Variants in ST18 observed in about 807,000 individuals in gnomAD.
The protein encoded by ST18 is ST18 C2H2C-type zinc finger transcription factor.
In ST18, 50 loss-of-function variants were observed where a neutral mutation model predicts 110.0. The ratio of observed to expected loss-of-function variants is 0.45; its 90% CI spans 0.36 to 0.58. The LOEUF (loss-of-function observed/expected upper bound fraction) is 0.58. Among genes scored for constraint, ST18 ranks in the 20% least tolerant of loss-of-function variants. ST18 has a pLI of 0.00. For missense variants in ST18, 1,306 were observed against 1,280.1 expected (o/e 1.02, Z -0.31); for synonymous variants, 461 against 452.4 (o/e 1.02, Z -0.24).
chr8:52,173,888 C>G (rs1379981800), intron 9 of ST18, among the ~76,000 whole-genome samples: 1 of 152,152 alleles, frequency 6.6e-6, no homozygotes, highest in Non-Finnish European at 1.5e-5. Context: ...GACAATGTGT[C>G]TTTTTGGTCT....
intron 2 of ST18, among the ~76,000 whole-genome samples, chr8:52,342,287 A>G (rs548096035): frequency 6.6e-6 from 1 of 152,054 alleles, no homozygotes; most frequent in African/African-American, 2.4e-5. Context: ...AATCATATTC[A>G]TGGGAGGAAT....
chr8:52,361,932 A>G (rs1352593845), intron 2 of ST18, among the ~76,000 whole-genome samples: 1 of 152,096 alleles, frequency 6.6e-6, no homozygotes, highest in Non-Finnish European at 1.5e-5. Context: ...ATGAAACCCA[A>G]TATGTCTGAA....
At chr8:52,253,953 CAA>C (rs1221580247) in intron 2 of ST18, among the ~76,000 whole-genome samples, 5 of 146,592 alleles carry the variant, frequency 3.4e-5, no homozygotes, top group Non-Finnish European at 7.5e-5. Context: ...TTGTTTTTGC[CAA>C]AGAGAGTGAA....
At chr8:52,133,887 T>C (rs2050867755) in intron 19 of ST18, among the ~76,000 whole-genome samples, 1 of 152,028 alleles carries the variant, frequency 6.6e-6, no homozygotes, top group South Asian at 2.1e-4. Flanking sequence ...CATGCCTCCA[T>C]GCCCACCTAA....
intron 2 of ST18, among the ~76,000 whole-genome samples, chr8:52,252,573 G>A (rs78664752): frequency 0.034 from 5,173 of 151,564 alleles, 150 homozygotes; most frequent in Admixed American, 0.078. Flanking sequence ...ACTTTGAAAC[G>A]TTTTAAATAC....
At chr8:52,346,306 G>A (rs1817752336) in intron 2 of ST18, among the ~76,000 whole-genome samples, 2 of 150,954 alleles carry the variant, frequency 1.3e-5, no homozygotes, top group Admixed American at 1.3e-4. Context: ...CAAGAAAAAA[G>A]AAAATTTTAT....
intron 2 of ST18, among the ~76,000 whole-genome samples, chr8:52,376,233 A>G (rs2140733684): frequency 6.6e-6 from 1 of 152,274 alleles, no homozygotes; most frequent in East Asian, 1.9e-4. Flanking sequence ...GTGACCTCTA[A>G]GGGACCGTGT....
chr8:52,352,439 T>C (rs920732468), intron 2 of ST18, among the ~76,000 whole-genome samples: 10 of 152,138 alleles, frequency 6.6e-5, no homozygotes, highest in African/African-American at 2.4e-4. Flanking sequence ...ACCCAGAGAG[T>C]GCTCCGAGAT....
chr8:52,213,418 G>A (rs2082933168), intron 7 of ST18, among the ~76,000 whole-genome samples: 1 of 127,292 alleles, frequency 7.9e-6, no homozygotes, highest in Admixed American at 9.1e-5. Context: ...TCACGGCTTT[G>A]CCACAGCTTT....
At chr8:52,155,725 C>A (rs948748358) in intron 15 of ST18, among the ~76,000 whole-genome samples, 21 of 152,136 alleles carry the variant, frequency 1.4e-4, no homozygotes, top group Admixed American at 1.4e-3. Context: ...CCTCTGAAAA[C>A]AACCTCTGCT....
At chr8:52,343,003 A>G (rs1207666212) in intron 2 of ST18, among the ~76,000 whole-genome samples, 2 of 152,230 alleles carry the variant, frequency 1.3e-5, no homozygotes, top group African/African-American at 2.4e-5. Context: ...ATCTGGAAAT[A>G]CGTTGCCTAC....
intron 2 of ST18, among the ~76,000 whole-genome samples, chr8:52,273,090 T>A (rs1299767019): frequency 6.6e-6 from 1 of 152,182 alleles, no homozygotes; most frequent in Non-Finnish European, 1.5e-5. Flanking sequence ...AAAGACTATA[T>A]GTTTAAAAGA....
intron 2 of ST18, among the ~76,000 whole-genome samples, chr8:52,362,596 C>T (rs1017181835): frequency 1.3e-5 from 2 of 152,142 alleles, no homozygotes; most frequent in Non-Finnish European, 1.5e-5. Context: ...GACTAAGAGT[C>T]GCATTCTTGT....
At chr8:52,388,004 G>T (rs1328544839) in intron 2 of ST18, among the ~76,000 whole-genome samples, 1 of 134,188 alleles carries the variant, frequency 7.5e-6, no homozygotes, top group Non-Finnish European at 1.6e-5. Flanking sequence ...TGAAAAGCTA[G>T]CAGGGTGTCC....
intron 2 of ST18, among the ~76,000 whole-genome samples, chr8:52,364,984 G>A (rs1827248477): frequency 6.6e-6 from 1 of 151,928 alleles, no homozygotes; most frequent in African/African-American, 2.4e-5. Context: ...GGTTGCGGGG[G>A]GTGCCTGTAA....
chr8:52,169,349 G>C (rs753550221), intron 10 of ST18, among the ~76,000 whole-genome samples: 3 of 152,112 alleles, frequency 2.0e-5, no homozygotes, highest in Non-Finnish European at 2.9e-5. Context: ...ATCCACACCT[G>C]ATGTACTCAT....
chr8:52,290,309 T>C (rs983379518), intron 2 of ST18, among the ~76,000 whole-genome samples: 1 of 152,170 alleles, frequency 6.6e-6, no homozygotes, highest in Non-Finnish European at 1.5e-5. Flanking sequence ...TTTGGAGACA[T>C]CTCACTCTCC....
At chr8:52,285,878 T>A (rs1219575485) in intron 2 of ST18, among the ~76,000 whole-genome samples, 1 of 152,232 alleles carries the variant, frequency 6.6e-6, no homozygotes, top group Non-Finnish European at 1.5e-5. Flanking sequence ...TTATAGTTCT[T>A]CACTTCTCCT....
intron 3 of ST18, among the ~76,000 whole-genome samples, chr8:52,223,981 A>C (rs2088139026): frequency 6.6e-6 from 1 of 152,168 alleles, no homozygotes; most frequent in African/African-American, 2.4e-5. Flanking sequence ...TAGCACATTT[A>C]CCTTAGTATT....
Sources: gnomAD v4.1 joint callset for allele counts (sites outside exome capture counted in the v4.1 genomes callset) on GRCh38, gnomAD v4.1.1 for gene constraint, MANE v1.5 for transcripts, NCBI Gene and HGNC (gene_info 2026-07-23, HGNC 2026-07-21) for gene names.